Variants in CCDC88C observed in about 807,000 individuals in gnomAD.
The protein encoded by CCDC88C is coiled-coil and HOOK domain protein 88C.
CCDC88C carries 131 observed loss-of-function variants against 198.8 expected under a neutral mutation model. That is an observed-to-expected ratio of 0.66 (90% CI 0.57 to 0.76). CCDC88C has a LOEUF of 0.76. Among genes scored for constraint, CCDC88C ranks in the 30% least tolerant of loss-of-function variants. CCDC88C has a pLI of 0.00. For missense variants in CCDC88C, 2,553 were observed against 2,631.6 expected, an observed-to-expected ratio of 0.97 and a Z score of 0.65; for synonymous variants, 1,166 against 1,114.7, an observed-to-expected ratio of 1.05 and a Z score of -0.92.
At chr14:91,414,833 C>T (rs749709053) in intron 2 of CCDC88C, among the ~76,000 whole-genome samples, 8 of 152,200 alleles carry the variant, frequency 5.3e-5, no homozygotes, top group African/African-American at 4.8e-5. Context: ...GAGAGAACAT[C>T]TAAAATTGCC....
intron 26 of CCDC88C, 43 bp downstream of exon 26, chr14:91,283,286 A>G (rs1003315627): frequency 1.3e-6 from 2 of 1,587,278 alleles, no homozygotes; most frequent in African/African-American, 1.3e-5. Context: ...CAGGAAGGAC[A>G]CTAGGCCCGA....
chr14:91,386,301 A>AC (rs1179901871), intron 3 of CCDC88C, among the ~76,000 whole-genome samples: 2 of 150,536 alleles, frequency 1.3e-5, no homozygotes, highest in African/African-American at 4.9e-5. Flanking sequence ...AAAAAAAAAA[A>AC]AAACAAAAAC....
chr14:91,302,424 T>C (rs1286751634), intron 20 of CCDC88C, among the ~76,000 whole-genome samples: 1 of 152,166 alleles, frequency 6.6e-6, no homozygotes, highest in Non-Finnish European at 1.5e-5. Flanking sequence ...CCTCAGACTC[T>C]GGAGAGCAGC....
At chr14:91,393,338 C>G (rs143054246) in intron 3 of CCDC88C, among the ~76,000 whole-genome samples, 9 of 152,114 alleles carry the variant, frequency 5.9e-5, no homozygotes, top group Non-Finnish European at 1.3e-4. Context: ...CCCCCCACCC[C>G]CTAAACCCCC....
At chr14:91,370,905 C>T (rs1004275225) in intron 3 of CCDC88C, among the ~76,000 whole-genome samples, 4 of 152,224 alleles carry the variant, frequency 2.6e-5, no homozygotes, top group African/African-American at 9.7e-5. Flanking sequence ...GGTCTGGAAA[C>T]CCAGGTCTCC....
chr14:91,273,362 G>A lies in CCDC88C; in HGVS notation c.5350C>T (p.Gln1784Ter). The stretch of plus-strand genomic sequence containing the variant: ...TGGGAAGCTGGGGGCACCGGAGCCT[G>A]CCGGGGTCTGCCCAGAGACAGGCTC... ...PQSLSLGRPR[Q>*]APVPPASHAP... The change falls in exon 30 of 30, where the codon CAG (glutamine) becomes TAG (stop). Residue 1784 changes from glutamine (Q) to a stop codon, truncating the protein, a stop_gained. Coordinates refer to ENST00000389857, the MANE Select transcript of CCDC88C (RefSeq NM_001080414.4). LOFTEE classifies it low-confidence loss of function (END_TRUNC). The surrounding 1 kb of genome is among the most constrained non-coding windows in gnomAD (Gnocchi z 5.6). 1 of 1,531,782 alleles carries A rather than the reference G, an allele frequency of 6.5e-7. No individual in the cohort carries two copies. Among genetic ancestry groups the A allele is most frequent in the Non-Finnish European group, 8.8e-7 (1 of 1,137,848 alleles). The allele number at this position is 1,531,782 out of a possible 1,614,324, so 94.9% of individuals were successfully genotyped here. A position where few individuals can be genotyped will look rare whatever the true frequency, so the allele number is the denominator to read the frequency against.
At chr14:91,405,772 T>C (rs565199269) in intron 3 of CCDC88C, among the ~76,000 whole-genome samples, 107 of 152,232 alleles carry the variant, frequency 7.0e-4, no homozygotes, top group Middle Eastern at 3.4e-3. Flanking sequence ...CTTTATTTTG[T>C]TATAAATTGG....
intron 3 of CCDC88C, among the ~76,000 whole-genome samples, chr14:91,372,611 C>T (rs1010237142): frequency 6.7e-6 from 1 of 149,444 alleles, no homozygotes; most frequent in Non-Finnish European, 1.5e-5. Flanking sequence ...CAGAAGGTGC[C>T]CCCATCTTGT....
intron 10 of CCDC88C, among the ~76,000 whole-genome samples, chr14:91,328,871 G>C (rs554037216): frequency 1.0e-3 from 152 of 152,284 alleles, no homozygotes; most frequent in African/African-American, 3.4e-3. Flanking sequence ...AGAAAAAACT[G>C]GCTTCTAGGG....
chr14:91,377,731 C>A (rs1884527004), intron 3 of CCDC88C, among the ~76,000 whole-genome samples: 1 of 152,224 alleles, frequency 6.6e-6, no homozygotes, highest in African/African-American at 2.4e-5. Flanking sequence ...ATTGAAGTTT[C>A]TCAGGAGACA....
chr14:91,281,552 C>T (rs1890200012), intron 26 of CCDC88C, 27 bp from the exon 27 acceptor site: 1 of 1,609,444 alleles, frequency 6.2e-7, no homozygotes, highest in African/African-American at 1.3e-5. Flanking sequence ...GCTAGTGAGT[C>T]ATGGTTACGG....
chr14:91,322,984 C>A (rs528921028), intron 12 of CCDC88C, among the ~76,000 whole-genome samples: 2 of 148,954 alleles, frequency 1.3e-5, no homozygotes, highest in Non-Finnish European at 3.0e-5. Flanking sequence ...TGGCTCGCTG[C>A]AACCTCCACC....
chr14:91,394,591 T>C (rs1461957391), intron 3 of CCDC88C, among the ~76,000 whole-genome samples: 3 of 152,380 alleles, frequency 2.0e-5, no homozygotes, highest in Admixed American at 6.5e-5. Flanking sequence ...TCCGTTGTTA[T>C]GTATCTTGTC....
intron 20 of CCDC88C, among the ~76,000 whole-genome samples, chr14:91,302,172 T>C (rs761501521): frequency 6.6e-6 from 1 of 152,158 alleles, no homozygotes; most frequent in African/African-American, 2.4e-5. Flanking sequence ...CACAAGGCTT[T>C]TGTGATTCAA....
intron 20 of CCDC88C, among the ~76,000 whole-genome samples, chr14:91,303,179 G>A (rs1164271360): frequency 6.6e-6 from 1 of 151,708 alleles, no homozygotes; most frequent in Non-Finnish European, 1.5e-5. Flanking sequence ...AGGCCCCGCT[G>A]CAGGCCTACC....
At chr14:91,309,794 G>A (rs1310076792) in intron 16 of CCDC88C, 65 bp downstream of exon 16, 3 of 1,534,586 alleles carry the variant, frequency 2.0e-6, no homozygotes, top group East Asian at 4.6e-5. Context: ...GGAGGGTGAG[G>A]AGCCTGCAGA....
At chr14:91,372,904 G>A (rs1894887486) in intron 3 of CCDC88C, among the ~76,000 whole-genome samples, 2 of 152,190 alleles carry the variant, frequency 1.3e-5, no homozygotes, top group Admixed American at 1.3e-4. Flanking sequence ...GGAGGTGCTG[G>A]CTGAACCTGA....
intron 4 of CCDC88C, among the ~76,000 whole-genome samples, chr14:91,344,057 G>C (rs1345725872): frequency 6.6e-6 from 1 of 152,172 alleles, no homozygotes; most frequent in African/African-American, 2.4e-5. Flanking sequence ...CTGGACTCAA[G>C]TGATCCGCCC....
At chr14:91,379,605 C>T (rs1382837354) in intron 3 of CCDC88C, 31 of 568,384 alleles carry the variant, frequency 5.5e-5, no homozygotes, top group South Asian at 3.6e-4. Context: ...AGAAGTGGGA[C>T]GCTGACGGTG....
Sources: allele counts gnomAD v4.1 joint callset (sites outside exome capture counted in the v4.1 genomes callset), GRCh38; gene constraint gnomAD v4.1.1; non-coding constraint Gnocchi (gnomAD v3.1); transcripts MANE v1.5; gene names NCBI Gene and HGNC (gene_info 2026-07-23, HGNC 2026-07-21).